Variants in LRRC9 observed in about 807,000 individuals in gnomAD.
The protein encoded by LRRC9 is leucine rich repeat containing 9, also known as leucine-rich repeat-containing protein 9.
LRRC9 carries 122 observed loss-of-function variants against 63.2 expected under a neutral mutation model. The observed-to-expected ratio is 1.93, with a 90% CI of 1.67 to 2.24. The LOEUF is 2.24. LRRC9 is among the 30% of genes most tolerant of loss of function. LRRC9 has a pLI of 0.00. For missense variants in LRRC9, 1,071 were observed against 627.7 expected (o/e 1.71, Z -7.55); for synonymous variants, 366 against 213.1 (o/e 1.72, Z -6.25).
Position 59,938,308 on chromosome 14 carries a change from A to C in LRRC9, c.544-82A>C. On this transcript the variant is annotated intron_variant, in intron 6 of 31. Coordinates refer to ENST00000445360, the Ensembl canonical transcript of LRRC9. The surrounding 1 kb of genome is among the most constrained non-coding windows in gnomAD (Gnocchi z 4.2). ...GCGCATAATTAGAATGCATTAGACT[A>C]TGGCTGATCTTAGGTGTTCAAATAC... 1 of 580,220 alleles carries C rather than the reference A, an allele frequency of 1.7e-6. No homozygotes were observed. Among genetic ancestry groups the C allele is most frequent in the African/African-American group, 1.9e-5 (1 of 52,466 alleles). The allele number at this position is 580,220 out of a possible 1,614,324, so 35.9% of individuals were successfully genotyped here.
intron 17 of LRRC9, among the ~76,000 whole-genome samples, chr14:59,996,781 CT>C (rs886928692): frequency 6.6e-6 from 1 of 152,142 alleles, no homozygotes; most frequent in African/African-American, 2.4e-5. Flanking sequence ...TATCGAGAGT[CT>C]TAACAATACA....
At chr14:60,063,718 C>A (rs1026816417), downstream of LRRC9, among the ~76,000 whole-genome samples, 8 of 152,128 alleles carry the variant, frequency 5.3e-5, no homozygotes, top group Non-Finnish European at 1.0e-4. Context: ...CATGAAATGT[C>A]ATTATGAAAA....
chr14:60,019,925 G>A (rs1031896619), intron 26 of LRRC9, among the ~76,000 whole-genome samples: 3 of 151,484 alleles, frequency 2.0e-5, no homozygotes, highest in Non-Finnish European at 3.0e-5. Context: ...TTTCATTCCA[G>A]TTTTCCCAAT....
At chr14:59,943,441 T>C (rs1362752093) in intron 7 of LRRC9, among the ~76,000 whole-genome samples, 1 of 152,012 alleles carries the variant, frequency 6.6e-6, no homozygotes, top group Non-Finnish European at 1.5e-5. Flanking sequence ...AATTTTGTAT[T>C]GGATTTCCTA....
At chr14:60,065,354 AT>A (rs1215087103), downstream of LRRC9, among the ~76,000 whole-genome samples, 4 of 151,708 alleles carry the variant, frequency 2.6e-5, no homozygotes, top group Non-Finnish European at 4.4e-5. Flanking sequence ...AGTAGCTGGA[AT>A]TACACCACCA....
chr14:59,945,272 A>G (rs772814906), intron 8 of LRRC9, among the ~76,000 whole-genome samples: 2 of 152,034 alleles, frequency 1.3e-5, no homozygotes, highest in Admixed American at 1.3e-4. Context: ...TTTTACTAAA[A>G]GTAGACCCTG....
intron 15 of LRRC9, among the ~76,000 whole-genome samples, chr14:59,981,307 C>A (rs192071172): frequency 1.3e-5 from 2 of 151,876 alleles, no homozygotes; most frequent in African/African-American, 4.8e-5. Context: ...ACTTTATTGT[C>A]CTAGATTTTT....
At chr14:60,040,369 C>A (rs1207591639) in intron 29 of LRRC9, among the ~76,000 whole-genome samples, 2 of 151,826 alleles carry the variant, frequency 1.3e-5, no homozygotes, top group Non-Finnish European at 2.9e-5. Flanking sequence ...GTGTTAAAGT[C>A]TCCCATTATT....
chr14:59,968,930 T>G (rs1268178187), intron 12 of LRRC9, among the ~76,000 whole-genome samples: 1 of 151,654 alleles, frequency 6.6e-6, no homozygotes, highest in Non-Finnish European at 1.5e-5. Flanking sequence ...TTGAGTATGC[T>G]GAAAGTTTAA....
chr14:59,955,038 G>T (rs926146637), intron 8 of LRRC9, among the ~76,000 whole-genome samples: 1 of 152,116 alleles, frequency 6.6e-6, no homozygotes. Flanking sequence ...TGCTGGATTT[G>T]GTTTGCCAGT....
At chr14:60,012,606 T>C (rs1890340938) in intron 23 of LRRC9, among the ~76,000 whole-genome samples, 1 of 152,228 alleles carries the variant, frequency 6.6e-6, no homozygotes, top group Admixed American at 6.5e-5. Context: ...TGAAATAGAT[T>C]GTCAAACAAT....
rs1273049553 is a variant in LRRC9 at position 59,966,601 on chromosome 14, C to T, written c.1224C>T (p.Cys408=). The change falls in exon 11 of 32, where the codon TGC becomes TGT. Residue 408 remains cysteine, a synonymous_variant. Transcript: ENST00000445360. The surrounding 1 kb of genome is among the most constrained non-coding windows in gnomAD (Gnocchi z 4.0). ...TATTCCCACATAGGTTTAATTTCTG[C>T]TATGAATTAATTCTGTCACGTTTTT... 4 of 669,542 alleles carry T rather than the reference C, an allele frequency of 6.0e-6. No individual in the cohort carries two copies. In the East Asian group the frequency reaches 8.1e-5, roughly 14 times the overall value. 41.5% of individuals were successfully genotyped at this position (669,542 alleles called of 1,614,324 possible).
chr14:59,945,100 G>C (rs1882217961), intron 8 of LRRC9, among the ~76,000 whole-genome samples: 1 of 151,124 alleles, frequency 6.6e-6, no homozygotes. Context: ...GTTTTTATTA[G>C]ATGCCAGTAG....
chr14:60,030,488 C>T (rs1010793573), intron 28 of LRRC9: 13 of 152,040 alleles, frequency 8.6e-5, no homozygotes, highest in African/African-American at 2.9e-4. Context: ...CATCCAGCTA[C>T]TCTGTCTACT....
intron 8 of LRRC9, among the ~76,000 whole-genome samples, chr14:59,951,780 G>C (rs958917881): frequency 6.6e-6 from 1 of 152,098 alleles, no homozygotes; most frequent in Non-Finnish European, 1.5e-5. Context: ...GTGTGCCCCT[G>C]CTGGGGGGTA....
At chr14:59,969,774 T>C (rs1885270516) in intron 12 of LRRC9, among the ~76,000 whole-genome samples, 1 of 152,190 alleles carries the variant, frequency 6.6e-6, no homozygotes, top group Non-Finnish European at 1.5e-5. Flanking sequence ...CTTGAGTTCA[T>C]TCCCTACCGA....
At chr14:59,944,679 C>G (rs990789384) in exon 8 of LRRC9, 11 of 662,386 alleles carry the variant, frequency 1.7e-5, no homozygotes, top group Non-Finnish European at 2.7e-5. Flanking sequence ...ACTGAATGAT[C>G]AAAAATGCAA....
At chr14:60,013,369 T>C (rs1890414583) in intron 23 of LRRC9, among the ~76,000 whole-genome samples, 1 of 152,134 alleles carries the variant, frequency 6.6e-6, no homozygotes, top group Non-Finnish European at 1.5e-5. Context: ...TGTCCATGAG[T>C]AGATTTTCTT....
intron 28 of LRRC9, among the ~76,000 whole-genome samples, chr14:60,029,855 G>T (rs1483631821): frequency 6.6e-6 from 1 of 151,926 alleles, no homozygotes; most frequent in Non-Finnish European, 1.5e-5. Flanking sequence ...TCCTTGAAAT[G>T]GTATTTTCCA....
Sources: gnomAD v4.1 joint callset for allele counts (sites outside exome capture counted in the v4.1 genomes callset) on GRCh38, gnomAD v4.1.1 for gene constraint, Gnocchi (gnomAD v3.1) non-coding constraint, MANE v1.5 for transcripts, NCBI Gene and HGNC (gene_info 2026-07-23, HGNC 2026-07-21) for gene names.